Variants in AFDN observed in about 807,000 individuals in gnomAD.
AFDN encodes afadin.
A neutral mutation model predicts 216.6 loss-of-function variants in AFDN; 68 were observed. The ratio of observed to expected loss-of-function variants is 0.31; its 90% CI spans 0.26 to 0.38. The LOEUF is 0.38. Ranked by LOEUF, AFDN falls within the 10% of genes least tolerant of loss-of-function variation. The pLI is 1.00. For missense variants in AFDN, 2,136 were observed against 2,342.0 expected (o/e 0.91, Z 1.82); for synonymous variants, 868 against 853.7 (o/e 1.02, Z -0.29).
chr6:167,875,262 T>C, intron 4 of AFDN, 73 bp from the exon 5 acceptor site: 1 of 1,433,664 alleles, frequency 7.0e-7, no homozygotes, highest in South Asian at 1.3e-5. Context: ...TTGATTTTTG[T>C]GCGGTTGCAA....
At chr6:167,904,691 G>A (rs907529949) in intron 12 of AFDN, among the ~76,000 whole-genome samples, 2 of 151,958 alleles carry the variant, frequency 1.3e-5, no homozygotes, top group South Asian at 4.2e-4. Context: ...CCTCTTCCCC[G>A]TTCCCAGTTG....
intron 16 of AFDN, 45 bp downstream of exon 16, chr6:167,913,468 A>G (rs763521566): frequency 2.0e-6 from 3 of 1,523,040 alleles, no homozygotes; most frequent in South Asian, 1.2e-5. Flanking sequence ...TTGCTTAGCC[A>G]AGTTTCTCAT....
intron 30 of AFDN, among the ~76,000 whole-genome samples, chr6:167,953,898 T>A (rs913577202): frequency 2.0e-5 from 3 of 152,242 alleles, no homozygotes; most frequent in Admixed American, 1.3e-4. Flanking sequence ...CAACTCTGAA[T>A]ATACAACTGT....
chr6:167,934,817 C>G (rs187102889), intron 23 of AFDN, among the ~76,000 whole-genome samples: 5 of 152,172 alleles, frequency 3.3e-5, no homozygotes, highest in Non-Finnish European at 7.3e-5. Context: ...TCCGCCTGAC[C>G]GAGCCTCCCT....
chr6:167,918,124 C>CTGGTGG (rs1283596767), intron 20 of AFDN, among the ~76,000 whole-genome samples: 4 of 152,276 alleles, frequency 2.6e-5, no homozygotes, highest in Middle Eastern at 3.4e-3. Context: ...AGAAGTGAAC[C>CTGGTGG]TGGTGGTTGA....
In AFDN at chr6:167,952,704, G is replaced by C. The variant is rs189421868; in HGVS notation, c.4833+517G>C. ...TTACAGAAACACAGGGCAGATGACT[G>C]TCTGGCCCCTGGTCTTGTCAGCATT... On this transcript the variant is annotated intron_variant, in intron 30 of 33. Transcript: ENST00000683244. 1.7e-3 allele frequency among the ~76,000 whole-genome samples: 251 copies of C among 150,956 alleles called. 2 individuals are homozygous for C. The highest frequency in any genetic ancestry group is 4.0e-3 in the Admixed American group (61 of 15,122).
chr6:167,955,296 C>T (rs1796383063), intron 30 of AFDN, among the ~76,000 whole-genome samples: 1 of 121,636 alleles, frequency 8.2e-6, no homozygotes, highest in Non-Finnish European at 1.8e-5. Context: ...TCCCCTTTTC[C>T]TTCCCCCCTC....
At chr6:167,875,213 C>T in intron 4 of AFDN, 122 bp from the exon 5 acceptor site, 1 of 798,216 alleles carries the variant, frequency 1.3e-6, no homozygotes, top group South Asian at 1.7e-5. Flanking sequence ...ACGTAACAGA[C>T]CTCTTAGGTA....
rs747139171 is a variant in AFDN, at chr6:167,962,390, T to G, written c.4834-43T>G. ...AATGTGTGCATTTTATGTCTTGTGCTGGTGGAGTTTGTGGAGGGAGATTAA... is the reference window on the plus strand; with the variant it reads ...AATGTGTGCATTTTATGTCTTGTGCGGGTGGAGTTTGTGGAGGGAGATTAA... On this transcript the variant is annotated intron_variant, in intron 30 of 33. Coordinates refer to ENST00000683244, the MANE Select transcript of AFDN (RefSeq NM_001386888.1). The surrounding 1 kb of genome is among the most constrained non-coding windows in gnomAD (Gnocchi z 5.2). The G allele has an allele frequency of 5.0e-6, 8 of 1,611,062 alleles. No homozygotes were observed. The highest frequency in any genetic ancestry group is 1.3e-5 in the African/African-American group (1 of 74,858).
At chr6:167,900,174 C>T (rs1788762611) in intron 11 of AFDN, among the ~76,000 whole-genome samples, 1 of 152,200 alleles carries the variant, frequency 6.6e-6, no homozygotes. Context: ...ACATACCATC[C>T]ATAAATTAGA....
chr6:167,962,418 T>G lies in AFDN; in HGVS notation c.4834-15T>G. 2 of 1,613,192 alleles carry G rather than the reference T, an allele frequency of 1.2e-6. No homozygotes were observed. Among genetic ancestry groups the G allele is most frequent in the Non-Finnish European group, 1.7e-6 (2 of 1,179,730 alleles). Reference sequence around the variant, plus strand: ...TGGAGTTTGTGGAGGGAGATTAATGTCAGCCTGTTGTTAGTTGCAGGACGA... The same window carrying G: ...TGGAGTTTGTGGAGGGAGATTAATGGCAGCCTGTTGTTAGTTGCAGGACGA... On this transcript the variant is annotated splice_polypyrimidine_tract_variant and intron_variant, in intron 30 of 33. Coordinates refer to ENST00000683244, the MANE Select transcript of AFDN (RefSeq NM_001386888.1). The surrounding 1 kb of genome is among the most constrained non-coding windows in gnomAD (Gnocchi z 5.2).
intron 1 of AFDN, chr6:167,827,863 C>A (rs555167452): frequency 6.6e-6 from 1 of 152,252 alleles, no homozygotes; most frequent in African/African-American, 2.4e-5. Context: ...GCGGCCTCTG[C>A]CCGGAGGGAG....
intron 11 of AFDN, among the ~76,000 whole-genome samples, chr6:167,900,925 T>A (rs1407816408): frequency 6.6e-6 from 1 of 152,184 alleles, no homozygotes; most frequent in South Asian, 2.1e-4. Context: ...TTGCAGAAAG[T>A]TGTGTGCAGA....
intron 23 of AFDN, among the ~76,000 whole-genome samples, 176 bp from the exon 24 acceptor site, chr6:167,942,953 A>G (rs949798546): frequency 6.6e-6 from 1 of 152,232 alleles, no homozygotes; most frequent in African/African-American, 2.4e-5. Context: ...TCATTAACTG[A>G]TGCATGAATA....
rs1583298127 is a variant in AFDN at position 167,890,963 on chromosome 6, G to A, written c.1111G>A (p.Asp371Asn). The A allele has an allele frequency of 3.1e-6, 5 of 1,614,104 alleles. No homozygotes were observed. Among genetic ancestry groups the A allele is most frequent in the East Asian group, 4.5e-5 (2 of 44,868 alleles). Residue 371 changes from aspartate to asparagine, a missense_variant, in exon 8 of 34, where the codon GAC (aspartate) becomes AAC (asparagine). Transcript: ENST00000683244. ...GACACCCAAGGGAAAGGAGAGAGCT[G>A]ACGGGTCTGGCTATGGCTCCACCCT... is the stretch of plus-strand genomic sequence containing the variant. ...GKTPKGKERA[D>N]GSGYGSTLPP...
At chr6:167,856,212 G>T (rs1782882170) in intron 1 of AFDN, among the ~76,000 whole-genome samples, 1 of 152,122 alleles carries the variant, frequency 6.6e-6, no homozygotes, top group Non-Finnish European at 1.5e-5. Flanking sequence ...TGCAAGAGGG[G>T]TGATGCTGAC....
chr6:167,897,642 CTTTTTTTTTTTTT>C lies in AFDN; in HGVS notation c.1318-550_1318-538del, dbSNP rs57383020. Among the ~76,000 whole-genome samples the C allele has an allele frequency of 4.5e-5, 4 of 89,750 alleles. 1 individual carries two copies. The highest frequency in any genetic ancestry group is 6.7e-4 in the East Asian group (2 of 3,004). 58.9% of individuals were successfully genotyped at this position (89,750 alleles called of 152,430 possible). ...AATATTGGTTAAGATGACTGTATGC[CTTTTTTTTTTTTT>C]TTTTTTTTTTTTGAGACAGTCTTAC... On this transcript the variant is annotated intron_variant, in intron 10 of 33. Transcript: ENST00000683244.
chr6:167,953,328 A>T (rs976910204), intron 30 of AFDN, among the ~76,000 whole-genome samples: 1 of 152,164 alleles, frequency 6.6e-6, no homozygotes, highest in African/African-American at 2.4e-5. Context: ...GTGAGTCCTT[A>T]GATCCTTGGA....
intron 30 of AFDN, among the ~76,000 whole-genome samples, chr6:167,958,135 G>A (rs952617902): frequency 4.6e-5 from 7 of 152,230 alleles, no homozygotes; most frequent in Admixed American, 1.3e-4. Flanking sequence ...TCAAAGCTTC[G>A]TTTTATGTCC....
Sources: gnomAD v4.1 joint callset for allele counts (sites outside exome capture counted in the v4.1 genomes callset) on GRCh38, gnomAD v4.1.1 for gene constraint, Gnocchi (gnomAD v3.1) non-coding constraint, MANE v1.5 for transcripts, NCBI Gene and HGNC (gene_info 2026-07-23, HGNC 2026-07-21) for gene names.